The following SMG9 variants were observed in gnomAD, a reference collection of about 807,000 sequenced individuals.
SMG9 encodes SMG9 nonsense mediated mRNA decay factor, also known as nonsense-mediated mRNA decay factor SMG9.
A neutral mutation model predicts 64.0 loss-of-function variants in SMG9; 55 were observed. The observed-to-expected ratio is 0.86, with a 90% CI of 0.69 to 1.08. The LOEUF (loss-of-function observed/expected upper bound fraction) is 1.08, where lower values mean the gene tolerates loss of function less well. Ranked by LOEUF, SMG9 falls within the 50% of genes least tolerant of loss-of-function variation. SMG9 has a pLI of 0.00. For synonymous variants in SMG9, 244 were observed against 254.8 expected, an observed-to-expected ratio of 0.96 and a Z score of 0.41; for missense variants, 554 against 681.3, an observed-to-expected ratio of 0.81 and a Z score of 2.08.
chr19:43,739,994 T>C (rs745417781), intron 7 of SMG9, 113 bp downstream of exon 7: 14 of 807,104 alleles, frequency 1.7e-5, no homozygotes, highest in Middle Eastern at 2.5e-4. Flanking sequence ...AGTATGTCCA[T>C]GGCTTGACTG....
At chr19:43,745,253 C>T (rs1360323767) in intron 5 of SMG9, among the ~76,000 whole-genome samples, 1 of 152,134 alleles carries the variant, frequency 6.6e-6, no homozygotes. Flanking sequence ...AGATAGGACT[C>T]GGCGACTGAG....
At position 43,740,178 on chromosome 19, in the gene SMG9, G is replaced by C; in HGVS notation, c.742C>G (p.Arg248Gly). The change falls in exon 7 of 14, where the codon CGA becomes GGA. Residue 248 changes from arginine (R) to glycine (G), a missense_variant. Coordinates refer to ENST00000270066, the MANE Select transcript of SMG9 (RefSeq NM_019108.4). ...ATGCCACTGGTCTGGTTGCCCCCTC[G>C]TTCCTTCATTTCAGCGCTCTGGGCC... ...FRAQSAEMKE[R>G]GGNQTSGIDF... 16 of 1,614,114 alleles carry C rather than the reference G, an allele frequency of 9.9e-6. No individual in the cohort carries two copies. The highest frequency in any genetic ancestry group is 1.4e-5 in the Non-Finnish European group (16 of 1,179,986).
At chr19:43,745,329 A>G (rs1016284742) in intron 5 of SMG9, among the ~76,000 whole-genome samples, 3 of 152,170 alleles carry the variant, frequency 2.0e-5, no homozygotes, top group Non-Finnish European at 4.4e-5. Flanking sequence ...TGCAAACAGG[A>G]GCCACCCAGG....
At chr19:43,743,314 T>C (rs1968898514) in intron 6 of SMG9, among the ~76,000 whole-genome samples, 1 of 152,120 alleles carries the variant, frequency 6.6e-6, no homozygotes, top group Non-Finnish European at 1.5e-5. Context: ...GGAACCAAAC[T>C]GAGTCATGAG....
intron 1 of SMG9, 59 bp from the exon 2 acceptor site, chr19:43,750,806 T>C (rs750116004): frequency 2.0e-6 from 3 of 1,469,566 alleles, no homozygotes; most frequent in Non-Finnish European, 2.8e-6. Context: ...CTACTTGGCA[T>C]ATCCTAGACT....
chr19:43,746,819 CTTTTT>C (rs11326289), intron 5 of SMG9, among the ~76,000 whole-genome samples: 1 of 134,260 alleles, frequency 7.4e-6, no homozygotes, highest in Non-Finnish European at 1.6e-5. Flanking sequence ...GCTTCTTGTT[CTTTTT>C]TTTTTTTTTT....
chr19:43,751,967 C>T (rs1969202344), intron 1 of SMG9, among the ~76,000 whole-genome samples: 1 of 152,228 alleles, frequency 6.6e-6, no homozygotes, highest in Non-Finnish European at 1.5e-5. Context: ...AGGATATTCT[C>T]CTTACCAAAA....
At chr19:43,745,899 G>A (rs1436852651) in intron 5 of SMG9, among the ~76,000 whole-genome samples, 1 of 152,230 alleles carries the variant, frequency 6.6e-6, no homozygotes, top group Non-Finnish European at 1.5e-5. Flanking sequence ...TACTCGGAAG[G>A]CTGAGGCAGG....
chr19:43,734,420 G>A lies in SMG9; in HGVS notation c.1071C>T (p.Ser357=), dbSNP rs150580575. Residue 357 remains serine (S), a synonymous_variant, in exon 10 of 14, where the codon TCC becomes TCT. Transcript: ENST00000270066. ...PSHESSSSSG[S]DEGTEYYPHL... ...GGGGGTAGTACTCGGTGCCTTCATC[G>A]GAGCCCGATGAGCTGCTGGACTCGT... 162 of 1,559,382 alleles carry A rather than the reference G, an allele frequency of 1.0e-4. 1 individual carries two copies. The African/African-American group carries it at 1.5e-3, about 15-fold the overall frequency.
Position 43,737,623 on chromosome 19 carries a change from G to C in SMG9, c.969C>G (p.Asp323Glu). Residue 323 changes from aspartate to glutamate, a missense_variant, in exon 9 of 14, where the codon GAC becomes GAG. Asp to Glu is a conservative substitution (Grantham distance 45, BLOSUM62 2). Coordinates refer to ENST00000270066, the MANE Select transcript of SMG9 (RefSeq NM_019108.4). Reference sequence around the variant, plus strand: ...TGTAGAGACTGAGGTCTGTGAACCAGTCCTGGACAACAATCACCACATGGC... The same window carrying C: ...TGTAGAGACTGAGGTCTGTGAACCACTCCTGGACAACAATCACCACATGGC... ...TVCHVVIVVQDWFTDLSLYRF... is the reference protein window; with the variant it reads ...TVCHVVIVVQEWFTDLSLYRF... The C allele has an allele frequency of 6.2e-7, 1 of 1,613,988 alleles. No individual in the cohort carries two copies.
At position 43,752,178 on chromosome 19, in the gene SMG9, G is replaced by A. The variant is rs532968333; in HGVS notation, c.-6-1431C>T. 1.7e-4 allele frequency among the ~76,000 whole-genome samples: 26 copies of A among 152,254 alleles called. No individual in the cohort carries two copies. The South Asian group carries it at 5.0e-3, about 29-fold the overall frequency. Reference sequence around the variant, plus strand: ...TGTCTGTCTGTCTTCCGTTCCTGACGGTCTGCCTTCCCTCACAGTGAATTT... The same window carrying A: ...TGTCTGTCTGTCTTCCGTTCCTGACAGTCTGCCTTCCCTCACAGTGAATTT... On this transcript the variant is annotated intron_variant, in intron 1 of 13. Coordinates refer to ENST00000270066, the MANE Select transcript of SMG9 (RefSeq NM_019108.4).
At position 43,730,070 on chromosome 19, in the gene SMG9, T is replaced by G. The variant is rs1393329656; in HGVS notation, c.*1526A>C. The stretch of plus-strand genomic sequence containing the variant: ...CGCCCCCCCTCACTTCAGTTGTTTC[T>G]CACAAGGCCCTGGATCCCCATGGTA... On this transcript the variant is annotated 3_prime_UTR_variant, in exon 14 of 14. Transcript: ENST00000270066. The G allele has an allele frequency of 6.6e-6, 1 of 152,234 alleles. No individual in the cohort carries two copies. The highest frequency in any genetic ancestry group is 2.4e-5 in the African/African-American group (1 of 41,388). The allele number at this position is 152,234 out of a possible 1,614,324, so 9.4% of individuals were successfully genotyped here. A position where few individuals can be genotyped will look rare whatever the true frequency, so the allele number is the denominator to read the frequency against.
At chr19:43,738,658 T>C (rs1968751474) in intron 7 of SMG9, among the ~76,000 whole-genome samples, 1 of 152,202 alleles carries the variant, frequency 6.6e-6, no homozygotes, top group South Asian at 2.1e-4. Context: ...GGACTTTTTT[T>C]TCTTAAAGGA....
At chr19:43,742,233 G>A (rs768802789) in intron 6 of SMG9, among the ~76,000 whole-genome samples, 7 of 151,918 alleles carry the variant, frequency 4.6e-5, no homozygotes, top group South Asian at 2.1e-4. Context: ...AAAGGATCAC[G>A]TGAGCCCAGT....
intron 6 of SMG9, among the ~76,000 whole-genome samples, chr19:43,743,258 C>G (rs1360877735): frequency 6.6e-6 from 1 of 152,104 alleles, no homozygotes; most frequent in Non-Finnish European, 1.5e-5. Flanking sequence ...GGGTGAAAAG[C>G]TGAAATGGAA....
In SMG9 at chr19:43,747,426, C is replaced by T; in HGVS notation, c.588+16G>A. 1.2e-6 allele frequency: 2 copies of T among 1,610,774 alleles called. No individual in the cohort carries two copies. Among genetic ancestry groups the T allele is most frequent in the Non-Finnish European group, 1.7e-6 (2 of 1,179,312 alleles). ...AGGATGTGCGGAAGCTCAGGCAGGG[C>T]AGGACCCCTCGGTACCTCGATGGCA... On this transcript the variant is annotated intron_variant, in intron 5 of 13. Transcript: ENST00000270066.
chr19:43,746,068 G>A (rs1350932606), intron 5 of SMG9, among the ~76,000 whole-genome samples: 2 of 151,200 alleles, frequency 1.3e-5, no homozygotes, highest in East Asian at 3.9e-4. Flanking sequence ...AGCTACCTGG[G>A]AAGCTGAGGC....
intron 2 of SMG9, among the ~76,000 whole-genome samples, chr19:43,749,742 G>A (rs1024676784): frequency 6.6e-6 from 1 of 152,202 alleles, no homozygotes; most frequent in East Asian, 1.9e-4. Flanking sequence ...AGGTACAGGA[G>A]GGGAGCGAGG....
In SMG9 at chr19:43,750,655, C is replaced by G; in HGVS notation, c.87G>C (p.Gln29His). ...CCCGACCACCAGGCCCAGAGAGATTCTGGGGGCCACCAGAGCCAGGCTCCT... is the reference window on the plus strand; with the variant it reads ...CCCGACCACCAGGCCCAGAGAGATTGTGGGGGCCACCAGAGCCAGGCTCCT... ...RWKEPGSGGP[Q>H]NLSGPGGRER... The change falls in exon 2 of 14, where the codon CAG (glutamine) becomes CAC (histidine). Residue 29 changes from glutamine to histidine, a missense_variant. By Grantham distance (24) the Gln-to-His change is conservative. Transcript: ENST00000270066. 1 of 1,614,086 alleles carries G rather than the reference C, an allele frequency of 6.2e-7. No individual in the cohort carries two copies. The highest frequency in any genetic ancestry group is 1.1e-5 in the South Asian group (1 of 91,076).
Sources: allele counts gnomAD v4.1 joint callset (sites outside exome capture counted in the v4.1 genomes callset), GRCh38; gene constraint gnomAD v4.1.1; transcripts MANE v1.5; gene names NCBI Gene and HGNC (gene_info 2026-07-23, HGNC 2026-07-21).